Variants in KAZN observed in about 807,000 individuals in gnomAD.
KAZN encodes the protein kazrin, periplakin interacting protein, also known as kazrin.
In KAZN, 40 loss-of-function variants were observed where a neutral mutation model predicts 87.4. The observed-to-expected ratio is 0.46, with a 90% confidence interval of 0.36 to 0.60. The LOEUF is 0.60. Among genes scored for constraint, KAZN ranks in the 20% least tolerant of loss-of-function variants. KAZN has a pLI of 0.00. For missense variants in KAZN, 898 were observed against 1,073.9 expected, an observed-to-expected ratio of 0.84 and a Z score of 2.29; for synonymous variants, 466 against 458.3, an observed-to-expected ratio of 1.02 and a Z score of -0.22.
chr1:14,398,413 G>A (rs1460636598), intron 2 of KAZN, among the ~76,000 whole-genome samples: 2 of 152,208 alleles, frequency 1.3e-5, no homozygotes, highest in East Asian at 1.9e-4. Flanking sequence ...TATCACATAG[G>A]GAAATTGTGA....
chr1:13,998,373 A>G (rs1284907300), intron 1 of KAZN, among the ~76,000 whole-genome samples: 1 of 152,246 alleles, frequency 6.6e-6, no homozygotes, highest in African/African-American at 2.4e-5. Context: ...CACACATAAC[A>G]ATACTAACCT....
At chr1:14,771,890 A>T (rs761541617) in intron 1 of KAZN, among the ~76,000 whole-genome samples, 3 of 152,118 alleles carry the variant, frequency 2.0e-5, no homozygotes, top group Non-Finnish European at 4.4e-5. Flanking sequence ...AAACTCCTGT[A>T]AAGAATGTTC....
intron 2 of KAZN, among the ~76,000 whole-genome samples, chr1:15,034,125 C>T (rs1383807839): frequency 6.6e-6 from 1 of 152,226 alleles, no homozygotes; most frequent in Non-Finnish European, 1.5e-5. Flanking sequence ...TTATGAGATA[C>T]AGGATTTGCA....
intron 1 of KAZN, among the ~76,000 whole-genome samples, chr1:13,923,793 G>GTAATTT (rs745848354): frequency 2.0e-5 from 3 of 151,370 alleles, no homozygotes; most frequent in Non-Finnish European, 4.4e-5. Flanking sequence ...TGAAATATAT[G>GTAATTT]CTATGTAAGT....
At chr1:14,571,135 T>A (rs111990548) in intron 2 of KAZN, among the ~76,000 whole-genome samples, 19 of 152,314 alleles carry the variant, frequency 1.2e-4, no homozygotes, top group South Asian at 8.3e-4. Context: ...TGGATTTTTT[T>A]ATTTGTTTTT....
intron 1 of KAZN, among the ~76,000 whole-genome samples, chr1:13,976,345 G>C (rs1310415519): frequency 6.6e-6 from 1 of 152,102 alleles, no homozygotes; most frequent in African/African-American, 2.4e-5. Flanking sequence ...ATAGAACCAA[G>C]CTTCCATTTC....
At chr1:15,114,386 TAGAATTGGAGACATTTC>T in intron 14 of KAZN, 68 bp from the exon 15 acceptor site, 1 of 1,101,762 alleles carries the variant, frequency 9.1e-7, no homozygotes. Context: ...ACAGAGCAAT[TAGAATTGGAGACATTTC>T]CCAGACCTTC....
intron 1 of KAZN, among the ~76,000 whole-genome samples, chr1:14,697,332 A>AAAAAAAT (rs943430699): frequency 6.6e-6 from 1 of 151,882 alleles, no homozygotes; most frequent in African/African-American, 2.4e-5. Flanking sequence ...CCTGTCTCCA[A>AAAAAAAT]AAAAAATAAA....
At chr1:14,320,080 T>C (rs1655944016) in intron 2 of KAZN, among the ~76,000 whole-genome samples, 1 of 152,192 alleles carries the variant, frequency 6.6e-6, no homozygotes, top group Non-Finnish European at 1.5e-5. Flanking sequence ...ATTATCTCTA[T>C]TGTAAAGTTG....
At chr1:14,671,647 T>C (rs1364185839) in intron 1 of KAZN, among the ~76,000 whole-genome samples, 1 of 152,244 alleles carries the variant, frequency 6.6e-6, no homozygotes, top group Non-Finnish European at 1.5e-5. Flanking sequence ...ATCCTTTTTT[T>C]TTTAAAGGAC....
chr1:15,025,859 A>G (rs900270567), intron 2 of KAZN, among the ~76,000 whole-genome samples: 6 of 152,210 alleles, frequency 3.9e-5, no homozygotes, highest in Admixed American at 1.3e-4. Context: ...GCAGTGGCTC[A>G]GGCCTGTAAT....
At chr1:14,286,538 A>G (rs1483108608) in intron 2 of KAZN, among the ~76,000 whole-genome samples, 1 of 152,218 alleles carries the variant, frequency 6.6e-6, no homozygotes, top group Non-Finnish European at 1.5e-5. Context: ...TACAGCATTT[A>G]GTACAGTCAC....
chr1:15,098,946 G>A (rs1292374355), intron 10 of KAZN, among the ~76,000 whole-genome samples: 1 of 152,218 alleles, frequency 6.6e-6, no homozygotes, highest in African/African-American at 2.4e-5. Context: ...CGTCCAGTGA[G>A]GCAGCTGGCC....
At chr1:14,361,004 G>T (rs576591430) in intron 2 of KAZN, among the ~76,000 whole-genome samples, 1 of 152,226 alleles carries the variant, frequency 6.6e-6, no homozygotes, top group African/African-American at 2.4e-5. Context: ...GAGCCAGCAG[G>T]CAGGAATGTT....
chr1:14,901,338 G>A (rs1408289583), intron 1 of KAZN, among the ~76,000 whole-genome samples: 1 of 152,246 alleles, frequency 6.6e-6, no homozygotes, highest in African/African-American at 2.4e-5. Flanking sequence ...GTGGAGATGA[G>A]TGAGTGAAAT....
intron 1 of KAZN, among the ~76,000 whole-genome samples, chr1:14,016,822 A>G (rs1241719199): frequency 1.3e-5 from 2 of 152,208 alleles, no homozygotes; most frequent in African/African-American, 4.8e-5. Flanking sequence ...GAAAACAGAG[A>G]AGCGGGGATT....
chr1:15,064,340 G>T (rs1404169361), intron 7 of KAZN, among the ~76,000 whole-genome samples: 1 of 152,152 alleles, frequency 6.6e-6, no homozygotes, highest in African/African-American at 2.4e-5. Context: ...TTGCCCTAGA[G>T]ATTCTGATCC....
intron 2 of KAZN, among the ~76,000 whole-genome samples, chr1:14,375,870 A>G (rs1203988728): frequency 1.4e-5 from 2 of 146,026 alleles, no homozygotes; most frequent in African/African-American, 2.6e-5. Flanking sequence ...CCTGGGCGAC[A>G]GAACAAGACT....
chr1:14,007,679 A>G (rs1377516277), intron 1 of KAZN, among the ~76,000 whole-genome samples: 4 of 152,240 alleles, frequency 2.6e-5, no homozygotes, highest in African/African-American at 9.6e-5. Context: ...CCAAATCACT[A>G]GCAGCATCAA....
Sources: gnomAD v4.1 joint callset for allele counts (sites outside exome capture counted in the v4.1 genomes callset) on GRCh38, gnomAD v4.1.1 for gene constraint, MANE v1.5 for transcripts, NCBI Gene and HGNC (gene_info 2026-07-23, HGNC 2026-07-21) for gene names.